DOCK4: variants seen among roughly 807,000 people sequenced by gnomAD.
DOCK4 encodes the protein dedicator of cytokinesis 4.
In DOCK4, 97 loss-of-function variants were observed where a neutral mutation model predicts 268.1. The observed-to-expected ratio is 0.36, with a 90% CI of 0.31 to 0.43. The LOEUF (loss-of-function observed/expected upper bound fraction) is 0.43, where lower values mean the gene tolerates loss of function less well. Among genes scored for constraint, DOCK4 ranks in the 20% least tolerant of loss-of-function variants. The pLI, the probability that DOCK4 is intolerant of heterozygous loss-of-function variation, is 1.00. For synonymous variants in DOCK4, 954 were observed against 887.2 expected (o/e 1.08, Z -1.34); for missense variants, 2,145 against 2,455.7 (o/e 0.87, Z 2.67).
At chr7:111,904,889 G>A (rs560078931) in intron 13 of DOCK4, among the ~76,000 whole-genome samples, 3 of 152,218 alleles carry the variant, frequency 2.0e-5, no homozygotes, top group South Asian at 2.1e-4. Context: ...AAATTAACAC[G>A]TTCACAAAAT....
intron 14 of DOCK4, 70 bp downstream of exon 14, chr7:111,901,607 T>A (rs1791152424): frequency 4.9e-6 from 7 of 1,427,260 alleles, no homozygotes; most frequent in Non-Finnish European, 6.7e-6. Flanking sequence ...AAATAACTGA[T>A]CACATTAAAG....
At chr7:111,829,483 G>A (rs1802650425) in intron 26 of DOCK4, among the ~76,000 whole-genome samples, 2 of 152,164 alleles carry the variant, frequency 1.3e-5, no homozygotes, top group African/African-American at 2.4e-5. Flanking sequence ...GGATGGGGTT[G>A]AGGAGGTGTT....
intron 16 of DOCK4, among the ~76,000 whole-genome samples, chr7:111,887,591 AT>A (rs929916594): frequency 7.2e-5 from 11 of 152,128 alleles, no homozygotes; most frequent in Admixed American, 7.2e-4. Flanking sequence ...GGTTTTTAAA[AT>A]GTCTAGTGGC....
intron 1 of DOCK4, among the ~76,000 whole-genome samples, chr7:112,040,325 A>C (rs1044059438): frequency 3.3e-5 from 5 of 152,340 alleles, no homozygotes; most frequent in African/African-American, 1.2e-4. Flanking sequence ...TGGTTTCAAA[A>C]TGTACAATAA....
Position 111,769,562 on chromosome 7 carries a change from G to A in DOCK4, c.3795C>T (p.His1265=), listed in dbSNP as rs759533153. ...QTEWQRKEHL[H]LTIIQNFDRG... ...TGTCAAAGTTCTGGATGATGGTGAG[G>A]TGCAGGTGCTCTTTGCGCTGCCATT... Residue 1265 remains histidine, a synonymous_variant, in exon 37 of 53, where the codon CAC becomes CAT. Coordinates refer to ENST00000428084, the MANE Select transcript of DOCK4 (RefSeq NM_001363540.2). 1.2e-6 allele frequency: 2 copies of A among 1,613,668 alleles called. No individual in the cohort carries two copies. Among genetic ancestry groups the A allele is most frequent in the African/African-American group, 2.7e-5 (2 of 74,922 alleles).
intron 15 of DOCK4, 138 bp downstream of exon 15, chr7:111,900,236 G>T: frequency 1.8e-6 from 2 of 1,125,252 alleles, no homozygotes; most frequent in Non-Finnish European, 2.5e-6. Context: ...CCCCTTTCTG[G>T]CTAATCTTTC....
intron 12 of DOCK4, among the ~76,000 whole-genome samples, chr7:111,922,384 T>C (rs1440507962): frequency 6.6e-6 from 1 of 152,228 alleles, no homozygotes; most frequent in Admixed American, 6.5e-5. Flanking sequence ...ATGTGTAACA[T>C]AAGTAATTGA....
intron 5 of DOCK4, among the ~76,000 whole-genome samples, chr7:111,989,676 T>G (rs1024631310): frequency 6.6e-6 from 1 of 152,270 alleles, no homozygotes. Context: ...TTGATGGATA[T>G]GCACTGCTAT....
At chr7:111,809,165 G>C (rs1318822345) in intron 29 of DOCK4, 136 bp downstream of exon 29, 2 of 755,394 alleles carry the variant, frequency 2.6e-6, no homozygotes, top group East Asian at 2.7e-5. Flanking sequence ...ATCCAGAAAA[G>C]ACTGCTTCTT....
At chr7:111,746,775 G>A (rs972464181) in intron 43 of DOCK4, among the ~76,000 whole-genome samples, 1 of 149,516 alleles carries the variant, frequency 6.7e-6, no homozygotes, top group East Asian at 2.0e-4. Flanking sequence ...GCAGATGAAA[G>A]GTCCACTTAA....
chr7:111,817,896 G>C (rs1026201376), intron 27 of DOCK4, among the ~76,000 whole-genome samples: 1 of 152,000 alleles, frequency 6.6e-6, no homozygotes, highest in Admixed American at 6.6e-5. Context: ...ACTCTAATTA[G>C]GTTTTCCTTT....
At chr7:111,926,917 GAA>G (rs1793759505) in intron 12 of DOCK4, among the ~76,000 whole-genome samples, 1 of 151,640 alleles carries the variant, frequency 6.6e-6, no homozygotes, top group South Asian at 2.1e-4. Flanking sequence ...AAGAAAAAAA[GAA>G]AAAGAACGGA....
chr7:111,915,965 G>C, intron 12 of DOCK4, 61 bp from the exon 13 acceptor site: 3 of 1,548,864 alleles, frequency 1.9e-6, no homozygotes, highest in Non-Finnish European at 2.6e-6. Flanking sequence ...AAGAGAAACT[G>C]ATGTGTTGCA....
chr7:111,900,227 C>A, intron 15 of DOCK4, 147 bp downstream of exon 15: 1 of 1,021,808 alleles, frequency 9.8e-7, no homozygotes, highest in Non-Finnish European at 1.4e-6. Flanking sequence ...ACTGTGCCTC[C>A]CCTTTCTGGC....
chr7:111,746,542 T>G, intron 43 of DOCK4, 125 bp from the exon 44 acceptor site: 1 of 700,592 alleles, frequency 1.4e-6, no homozygotes. Flanking sequence ...TTGGGACAGA[T>G]GGGCTGATTA....
At chr7:112,087,044 C>CA (rs1462419894) in intron 1 of DOCK4, among the ~76,000 whole-genome samples, 1 of 152,024 alleles carries the variant, frequency 6.6e-6, no homozygotes, top group African/African-American at 2.4e-5. Context: ...TCAGGAGTCT[C>CA]AGAGTTCTAT....
At chr7:111,776,749 AC>A (rs1798463848) in intron 36 of DOCK4, among the ~76,000 whole-genome samples, 1 of 152,176 alleles carries the variant, frequency 6.6e-6, no homozygotes, top group African/African-American at 2.4e-5. Context: ...TAATAATCAA[AC>A]CACTGAAAAC....
At chr7:111,856,448 G>A (rs1384528862) in intron 23 of DOCK4, among the ~76,000 whole-genome samples, 2 of 152,174 alleles carry the variant, frequency 1.3e-5, no homozygotes, top group African/African-American at 4.8e-5. Flanking sequence ...GACAGATGTA[G>A]AAACTGTTTT....
At chr7:112,177,388 A>G (rs1818628433) in intron 1 of DOCK4, among the ~76,000 whole-genome samples, 1 of 152,238 alleles carries the variant, frequency 6.6e-6, no homozygotes, top group Non-Finnish European at 1.5e-5. Flanking sequence ...ATTTAAAAGC[A>G]CTTAGCCTGA....
Sources: gnomAD v4.1 joint callset for allele counts (sites outside exome capture counted in the v4.1 genomes callset) on GRCh38, gnomAD v4.1.1 for gene constraint, MANE v1.5 for transcripts, NCBI Gene and HGNC (gene_info 2026-07-23, HGNC 2026-07-21) for gene names.